Variants in TRPS1 observed in about 807,000 individuals in gnomAD.
TRPS1 encodes transcriptional repressor GATA binding 1.
TRPS1 carries 6 observed loss-of-function variants against 101.2 expected under a neutral mutation model. That is an observed-to-expected ratio of 0.06 (90% CI 0.03 to 0.12). The LOEUF (loss-of-function observed/expected upper bound fraction) is 0.12. TRPS1 is among the 10% of genes least tolerant of loss of function. TRPS1 has a pLI of 1.00. For synonymous variants in TRPS1, 578 were observed against 589.8 expected (o/e 0.98, Z 0.29); for missense variants, 1,363 against 1,567.0 (o/e 0.87, Z 2.20).
At position 115,668,856 on chromosome 8, in the gene TRPS1, G is replaced by C. The variant is rs1483086320; in HGVS notation, c.-433C>G. On this transcript the variant is annotated 5_prime_UTR_variant, in exon 1 of 7. Transcript: ENST00000395715. ...AATAGGAAGGCGAGAGAGCAATCGA[G>C]AGGACGCGAGGTCTGGAGAAACCAG... The C allele has an allele frequency of 6.6e-6, 1 of 150,770 alleles. No homozygotes were observed. The highest frequency in any genetic ancestry group is 2.1e-4 in the South Asian group (1 of 4,800). The allele number at this position is 150,770 out of a possible 1,614,324, so 9.3% of individuals were successfully genotyped here.
intron 5 of TRPS1, among the ~76,000 whole-genome samples, chr8:115,548,616 T>G (rs1816634197): frequency 6.6e-6 from 1 of 152,076 alleles, no homozygotes. Flanking sequence ...ACCTGAGGAT[T>G]TGGGAACACT....
intron 5 of TRPS1, among the ~76,000 whole-genome samples, chr8:115,468,523 A>C (rs1457284396): frequency 6.6e-6 from 1 of 152,184 alleles, no homozygotes; most frequent in Non-Finnish European, 1.5e-5. Context: ...CTCTGTGGTT[A>C]CCGTGTCTCA....
intron 1 of TRPS1, among the ~76,000 whole-genome samples, chr8:115,628,754 G>A (rs919474882): frequency 6.6e-6 from 1 of 151,760 alleles, no homozygotes; most frequent in East Asian, 1.9e-4. Flanking sequence ...AGCTCTGCCT[G>A]GGATTTTAAT....
In TRPS1 at chr8:115,452,471, TG is replaced by T. The variant is rs201972550; in HGVS notation, c.2701-34020del. Among the ~76,000 whole-genome samples, 8 of 152,028 alleles carry T rather than the reference TG, an allele frequency of 5.3e-5. No homozygotes were observed. In the East Asian group the frequency reaches 7.7e-4, roughly 15 times the overall value. On this transcript the variant is annotated intron_variant, in intron 5 of 6. Transcript: ENST00000395715. ...TATATTTACATTTCTGAGAAGGAAA[TG>T]GGGGGGTCTCTTGTTTGAAAGAAAT...
chr8:115,422,804 C>A (rs1250208662), intron 5 of TRPS1, among the ~76,000 whole-genome samples: 4 of 152,184 alleles, frequency 2.6e-5, no homozygotes, highest in Non-Finnish European at 1.5e-5. Flanking sequence ...ATAAATTTCT[C>A]CTTTTCCCAC....
chr8:115,482,762 A>C (rs1814785721), intron 5 of TRPS1, among the ~76,000 whole-genome samples: 1 of 152,206 alleles, frequency 6.6e-6, no homozygotes, highest in African/African-American at 2.4e-5. Flanking sequence ...TGGTTACAGC[A>C]ACAAAAGAAA....
chr8:115,500,249 C>T (rs1401902885), intron 5 of TRPS1, among the ~76,000 whole-genome samples: 2 of 151,918 alleles, frequency 1.3e-5, no homozygotes, highest in African/African-American at 2.4e-5. Context: ...AGGCTGGTCT[C>T]GAACTCCTGA....
At chr8:115,506,302 G>T (rs1815441993) in intron 5 of TRPS1, among the ~76,000 whole-genome samples, 2 of 151,962 alleles carry the variant, frequency 1.3e-5, no homozygotes, top group African/African-American at 4.8e-5. Context: ...AAGAGGCTCA[G>T]CAAATTAAGC....
At chr8:115,632,493 T>C (rs1343958497) in intron 1 of TRPS1, among the ~76,000 whole-genome samples, 1 of 151,822 alleles carries the variant, frequency 6.6e-6, no homozygotes, top group Admixed American at 6.6e-5. Context: ...CAAACACACG[T>C]GCACACACAC....
intron 5 of TRPS1, among the ~76,000 whole-genome samples, chr8:115,429,151 G>C (rs992718797): frequency 6.6e-6 from 1 of 152,094 alleles, no homozygotes; most frequent in African/African-American, 2.4e-5. Context: ...AACTCACCCA[G>C]TCAATTACAC....
chr8:115,587,084 C>T lies in TRPS1; in HGVS notation c.2617G>A (p.Gly873Arg), dbSNP rs1296670556. The change falls in exon 5 of 7, where the codon GGA (glycine) becomes AGA (arginine). Residue 873 changes from glycine (G) to arginine (R), a missense_variant. Gly to Arg is a moderately radical substitution (Grantham distance 125). This residue lies in a region of TRPS1 where 1,020 missense variants were observed against 1,073.0 expected (regional missense o/e 0.95). Transcript: ENST00000395715. ...KGFLQGAPAG[G>R]EKSGALPQQY... ...TGGGGGAGGGCCCCAGACTTCTCTC[C>T]GCCAGCTGGCGCCCCCTGCAGGAAT... 7 of 1,614,030 alleles carry T rather than the reference C, an allele frequency of 4.3e-6. No individual in the cohort carries two copies. The highest frequency in any genetic ancestry group is 2.2e-5 in the East Asian group (1 of 44,888).
chr8:115,420,264 C>T (rs1813020717), intron 5 of TRPS1, among the ~76,000 whole-genome samples: 1 of 152,114 alleles, frequency 6.6e-6, no homozygotes, highest in Non-Finnish European at 1.5e-5. Flanking sequence ...AGGCCTACTG[C>T]AAAAGTGGAC....
intron 5 of TRPS1, among the ~76,000 whole-genome samples, chr8:115,499,841 T>A (rs562442082): frequency 1.6e-4 from 24 of 152,264 alleles, no homozygotes; most frequent in African/African-American, 5.8e-4. Flanking sequence ...TAAAGGAATA[T>A]GGGGAGCTAG....
rs754968028 is a variant in TRPS1, at chr8:115,603,973, C to G, written c.1996G>C (p.Gly666Arg). The G allele has an allele frequency of 6.2e-7, 1 of 1,613,978 alleles. No individual in the cohort carries two copies. Among genetic ancestry groups the G allele is most frequent in the South Asian group, 1.1e-5 (1 of 91,078 alleles). The change falls in exon 4 of 7, where the codon GGA becomes CGA. Residue 666 changes from glycine to arginine, a missense_variant. Gly to Arg is a moderately radical substitution (Grantham distance 125). This residue lies in a region of TRPS1 where 1,020 missense variants were observed against 1,073.0 expected (regional missense o/e 0.95). Coordinates refer to ENST00000395715, the MANE Select transcript of TRPS1 (RefSeq NM_014112.5). ...DVKQEANHLQGSDGQQSVKES... is the reference protein window; with the variant it reads ...DVKQEANHLQRSDGQQSVKES... Reference sequence around the variant, plus strand: ...TTGACAGACTGCTGCCCATCCGATCCTTGCAGGTGATTTGCTTCTTGTTTG... The same window carrying G: ...TTGACAGACTGCTGCCCATCCGATCGTTGCAGGTGATTTGCTTCTTGTTTG...
At chr8:115,430,444 A>AGTGTGTGTGT (rs141850172) in intron 5 of TRPS1, among the ~76,000 whole-genome samples, 1 of 149,802 alleles carries the variant, frequency 6.7e-6, no homozygotes, top group Non-Finnish European at 1.5e-5. Context: ...GCCACTTTGG[A>AGTGTGTGTGT]GTGTGTGTGT....
intron 5 of TRPS1, among the ~76,000 whole-genome samples, chr8:115,524,811 T>G (rs528336627): frequency 1.3e-5 from 2 of 152,306 alleles, no homozygotes; most frequent in East Asian, 3.9e-4. Flanking sequence ...TTAACTGTCT[T>G]CAATAAACAT....
intron 5 of TRPS1, among the ~76,000 whole-genome samples, chr8:115,485,541 T>C (rs533977869): frequency 1.3e-5 from 2 of 152,326 alleles, no homozygotes; most frequent in African/African-American, 4.8e-5. Flanking sequence ...AGTTTTACAG[T>C]GTACCCCATG....
rs71287271 is a variant in TRPS1, at chr8:115,409,919, CTT to C, written c.*4102_*4103del. The C allele has an allele frequency of 7.0e-5, 10 of 143,456 alleles. No homozygotes were observed. The highest frequency in any genetic ancestry group is 4.6e-5 in the Non-Finnish European group (3 of 65,806). The allele number at this position is 143,456 out of a possible 1,614,324, so 8.9% of individuals were successfully genotyped here. On this transcript the variant is annotated 3_prime_UTR_variant, in exon 7 of 7. Transcript: ENST00000395715. ...ACCAAAGACGACTTGATCTTTTTTTCTTTTTTTTTTTTTGCCATGGCTCTCAA... is the reference window on the plus strand; with the variant it reads ...ACCAAAGACGACTTGATCTTTTTTTCTTTTTTTTTTTGCCATGGCTCTCAA...
chr8:115,526,382 C>T (rs894925467), intron 5 of TRPS1, among the ~76,000 whole-genome samples: 8 of 152,122 alleles, frequency 5.3e-5, no homozygotes, highest in African/African-American at 1.4e-4. Context: ...CTAGAATGGA[C>T]TCAACATGGG....
Sources: gnomAD v4.1 joint callset for allele counts (sites outside exome capture counted in the v4.1 genomes callset) on GRCh38, gnomAD v4.1.1 for gene constraint, gnomAD v4.1.1 regional missense constraint, MANE v1.5 for transcripts, NCBI Gene and HGNC (gene_info 2026-07-23, HGNC 2026-07-21) for gene names.